NRCAM: variants seen among roughly 807,000 people sequenced by gnomAD.
The protein encoded by NRCAM is neuronal cell adhesion molecule, also known as NgCAM-related cell adhesion molecule.
Under a neutral mutation model 156.5 loss-of-function variants are expected in NRCAM, and 83 were observed. The observed-to-expected ratio is 0.53, with a 90% CI of 0.44 to 0.64. The LOEUF (loss-of-function observed/expected upper bound fraction) is 0.64. NRCAM is among the 30% of genes least tolerant of loss of function. NRCAM has a pLI of 0.00. For synonymous variants in NRCAM, 538 were observed against 563.9 expected (o/e 0.95, Z 0.65); for missense variants, 1,417 against 1,597.3 (o/e 0.89, Z 1.92).
At position 108,275,248 on chromosome 7, in the gene NRCAM, C is replaced by T. The variant is rs1351297983; in HGVS notation, c.-106-35078G>A. On this transcript the variant is annotated intron_variant, in intron 3 of 32. Coordinates refer to ENST00000379028, the MANE Select transcript of NRCAM (RefSeq NM_001037132.4). The stretch of plus-strand genomic sequence containing the variant: ...ACTTTGGTATCAGGATGATGCTGGC[C>T]TCATAAAATGAGTTAGGGAGGATTC... Among the ~76,000 whole-genome samples the T allele has an allele frequency of 6.6e-5, 10 of 152,128 alleles. 1 individual carries two copies. The highest frequency in any genetic ancestry group is 6.5e-4 in the Admixed American group (10 of 15,270).
intron 3 of NRCAM, among the ~76,000 whole-genome samples, chr7:108,274,674 G>A (rs564522187): frequency 1.3e-5 from 2 of 152,158 alleles, no homozygotes; most frequent in Admixed American, 6.5e-5. Context: ...ATACAGTCAC[G>A]TCATCTGCAA....
chr7:108,178,639 T>C (rs954452736), intron 25 of NRCAM, among the ~76,000 whole-genome samples: 1 of 152,104 alleles, frequency 6.6e-6, no homozygotes, highest in African/African-American at 2.4e-5. Context: ...TGGTGGTGAA[T>C]GGACAAAAGC....
At chr7:108,193,765 G>A (rs2073518243) in intron 17 of NRCAM, among the ~76,000 whole-genome samples, 2 of 152,122 alleles carry the variant, frequency 1.3e-5, no homozygotes, top group Non-Finnish European at 2.9e-5. Context: ...CAGGCCTGAG[G>A]GTTTTTTCCC....
At chr7:108,240,224 TGAA>T in intron 3 of NRCAM, 54 bp from the exon 4 acceptor site, 1 of 539,480 alleles carries the variant, frequency 1.9e-6, no homozygotes, top group South Asian at 2.2e-5. Context: ...AAGAAGGAAA[TGAA>T]GAGCGGAAGT....
chr7:108,194,464 C>G (rs1418583983), intron 15 of NRCAM, 36 bp from the exon 16 acceptor site: 2 of 1,446,994 alleles, frequency 1.4e-6, no homozygotes, highest in South Asian at 2.6e-5. Flanking sequence ...AGAATAAAAA[C>G]ACATTATATT....
At chr7:108,307,129 T>C (rs1004839199) in intron 3 of NRCAM, among the ~76,000 whole-genome samples, 5 of 152,182 alleles carry the variant, frequency 3.3e-5, no homozygotes, top group Admixed American at 3.3e-4. Flanking sequence ...AGATCTGTAT[T>C]TTATTCATAA....
At chr7:108,344,831 T>A (rs2099335276) in intron 2 of NRCAM, among the ~76,000 whole-genome samples, 1 of 152,204 alleles carries the variant, frequency 6.6e-6, no homozygotes, top group Non-Finnish European at 1.5e-5. Context: ...ATAGAGACAA[T>A]TGCCTAGTAT....
intron 2 of NRCAM, among the ~76,000 whole-genome samples, chr7:108,384,917 G>A (rs1041232023): frequency 3.3e-5 from 5 of 152,180 alleles, no homozygotes; most frequent in East Asian, 1.9e-4. Context: ...ATGGGTTATC[G>A]TGAAGCTGAA....
intron 3 of NRCAM, among the ~76,000 whole-genome samples, chr7:108,268,059 G>T (rs1303262338): frequency 7.5e-6 from 1 of 133,678 alleles, no homozygotes; most frequent in Non-Finnish European, 1.6e-5. Flanking sequence ...CATTTACACG[G>T]CATTTCTTCA....
chr7:108,244,020 C>G (rs2095721178), intron 3 of NRCAM, among the ~76,000 whole-genome samples: 1 of 152,178 alleles, frequency 6.6e-6, no homozygotes, highest in South Asian at 2.1e-4. Flanking sequence ...GGATTCACAT[C>G]AAGCCTGAGA....
intron 3 of NRCAM, among the ~76,000 whole-genome samples, chr7:108,310,028 A>G (rs1373788651): frequency 2.0e-5 from 3 of 152,172 alleles, no homozygotes; most frequent in Non-Finnish European, 4.4e-5. Flanking sequence ...TTCTCCTAAG[A>G]TGTACATATA....
chr7:108,174,842 C>A (rs2152205329), intron 28 of NRCAM, among the ~76,000 whole-genome samples: 1 of 152,348 alleles, frequency 6.6e-6, no homozygotes, highest in Admixed American at 6.5e-5. Flanking sequence ...CATTGCTACG[C>A]TGTAATTCCA....
At chr7:108,290,847 A>G (rs1374885130) in intron 3 of NRCAM, among the ~76,000 whole-genome samples, 1 of 152,160 alleles carries the variant, frequency 6.6e-6, no homozygotes, top group Non-Finnish European at 1.5e-5. Context: ...ATTGTCATCA[A>G]CTCGCTACTG....
intron 2 of NRCAM, among the ~76,000 whole-genome samples, chr7:108,354,679 G>A (rs2099468987): frequency 6.6e-6 from 1 of 152,156 alleles, no homozygotes; most frequent in Non-Finnish European, 1.5e-5. Context: ...TGGATCACCT[G>A]AGGTCAGGAG....
chr7:108,372,378 A>C (rs1375162301), intron 2 of NRCAM, among the ~76,000 whole-genome samples: 1 of 152,106 alleles, frequency 6.6e-6, no homozygotes, highest in East Asian at 1.9e-4. Flanking sequence ...CAACAACAAA[A>C]AATCTGTACA....
At chr7:108,409,830 G>C (rs926358072) in intron 1 of NRCAM, among the ~76,000 whole-genome samples, 1 of 152,156 alleles carries the variant, frequency 6.6e-6, no homozygotes, top group Non-Finnish European at 1.5e-5. Flanking sequence ...AATATGCATA[G>C]ACTTTTGAAG....
At chr7:108,164,547 C>CCAGCGGGAGGGGAG (rs145160841) in intron 30 of NRCAM, among the ~76,000 whole-genome samples, 1 of 145,736 alleles carries the variant, frequency 6.9e-6, no homozygotes, top group Admixed American at 6.7e-5. Context: ...ACCGCGGAAC[C>CCAGCGGGAGGGGAG]GAGAGGAGAG....
At chr7:108,409,970 A>G (rs924390348) in intron 1 of NRCAM, among the ~76,000 whole-genome samples, 3 of 152,246 alleles carry the variant, frequency 2.0e-5, no homozygotes, top group African/African-American at 4.8e-5. Context: ...ATCAAGCCAA[A>G]TATGTGTCTC....
chr7:108,205,316 G>A (rs2080521540), intron 13 of NRCAM, among the ~76,000 whole-genome samples: 1 of 152,162 alleles, frequency 6.6e-6, no homozygotes, highest in African/African-American at 2.4e-5. Context: ...AGAACTGTGA[G>A]CAATATATTT....
Sources: allele counts gnomAD v4.1 joint callset (sites outside exome capture counted in the v4.1 genomes callset), GRCh38; gene constraint gnomAD v4.1.1; transcripts MANE v1.5; gene names NCBI Gene and HGNC (gene_info 2026-07-23, HGNC 2026-07-21).